Variants in ZC3H12B observed in about 807,000 individuals in gnomAD.
ZC3H12B encodes zinc finger CCCH-type containing 12B.
In ZC3H12B, 7 loss-of-function variants were observed where a neutral mutation model predicts 43.9. The observed-to-expected ratio is 0.16, with a 90% confidence interval of 0.09 to 0.30. The LOEUF is 0.30. ZC3H12B is among the 10% of genes least tolerant of loss of function. The probability of loss-of-function intolerance (pLI) is 1.00; values close to 1 mark genes in which losing one functional copy is unlikely to be tolerated. For synonymous variants in ZC3H12B, 222 were observed against 241.7 expected, an observed-to-expected ratio of 0.92 and a Z score of 0.76; for missense variants, 475 against 670.2, an observed-to-expected ratio of 0.71 and a Z score of 3.22.
At chrX:65,226,026 G>A in the ZC3H12B span, among the ~76,000 whole-genome samples, 4 of 111,139 alleles carry the variant, frequency 3.6e-5, no homozygotes, top group Admixed American at 9.6e-5. Flanking sequence ...TACAGAGAAC[G>A]CCACAAAGAT....
chrX:65,410,472 AC>A (rs2066891624), intron 3 of ZC3H12B, among the ~76,000 whole-genome samples: 1 of 111,989 alleles, frequency 8.9e-6, no homozygotes, highest in Non-Finnish European at 1.9e-5. Context: ...ATGAGATTAC[AC>A]CAAGCTAAAA....
At chrX:65,460,845 C>CA (rs1328054562) in intron 3 of ZC3H12B, among the ~76,000 whole-genome samples, 1 of 111,319 alleles carries the variant, frequency 9.0e-6, no homozygotes, top group Non-Finnish European at 1.9e-5. Context: ...CAACACAAGC[C>CA]AAAATTGATA....
the ZC3H12B span, chrX:65,186,402 G>T: frequency 4.7e-5 from 5 of 105,916 alleles, no homozygotes; most frequent in South Asian, 4.3e-4. Context: ...AGAGGCAGAA[G>T]AATCCCTTGA....
chrX:65,228,098 C>G, the ZC3H12B span, among the ~76,000 whole-genome samples: 1 of 111,628 alleles, frequency 9.0e-6, no homozygotes, highest in African/African-American at 3.3e-5. Flanking sequence ...AATTTTTGAC[C>G]AATATCCTTG....
intron 3 of ZC3H12B, among the ~76,000 whole-genome samples, chrX:65,407,702 G>T (rs1283980408): frequency 8.8e-5 from 10 of 113,743 alleles, no homozygotes; most frequent in Non-Finnish European, 1.7e-4. Context: ...CGCGCACGCG[G>T]ATCCCCGAGG....
chrX:65,248,130 G>A, the ZC3H12B span, among the ~76,000 whole-genome samples: 2 of 110,263 alleles, frequency 1.8e-5, no homozygotes, highest in South Asian at 3.9e-4. Flanking sequence ...GCAACCTCTC[G>A]ATTTCGAGCG....
At chrX:65,118,992 G>A in the ZC3H12B span, among the ~76,000 whole-genome samples, 1 of 110,195 alleles carries the variant, frequency 9.1e-6, no homozygotes, top group African/African-American at 3.3e-5. Flanking sequence ...TCCTTTTTTA[G>A]GGCTGCATAG....
At chrX:65,475,853 C>T (rs143636743) in intron 3 of ZC3H12B, among the ~76,000 whole-genome samples, 64 of 111,841 alleles carry the variant, frequency 5.7e-4, no homozygotes, top group Non-Finnish European at 1.0e-3. Context: ...CACCCACCCC[C>T]GTGATTGAAT....
chrX:65,309,378 A>G, the ZC3H12B span, among the ~76,000 whole-genome samples: 1 of 112,198 alleles, frequency 8.9e-6, no homozygotes, highest in South Asian at 3.7e-4. Context: ...ATCTACGCAA[A>G]TAAACTAGAA....
intron 2 of ZC3H12B, among the ~76,000 whole-genome samples, chrX:65,375,466 C>T (rs966140395): frequency 4.5e-5 from 5 of 112,270 alleles, no homozygotes; most frequent in African/African-American, 6.5e-5. Context: ...GCCATAGTGG[C>T]TAAGGGAGCA....
At chrX:65,228,013 A>T in the ZC3H12B span, among the ~76,000 whole-genome samples, 2 of 111,802 alleles carry the variant, frequency 1.8e-5, no homozygotes, top group Non-Finnish European at 3.8e-5. Context: ...AAAAGAGGGA[A>T]TCCTCCCTAA....
At chrX:65,123,669 G>T in the ZC3H12B span, among the ~76,000 whole-genome samples, 1 of 106,363 alleles carries the variant, frequency 9.4e-6, no homozygotes, top group South Asian at 4.0e-4. Flanking sequence ...GTGTAATATA[G>T]TTTTCTTGTA....
the ZC3H12B span, among the ~76,000 whole-genome samples, chrX:65,251,701 A>G: frequency 2.7e-5 from 3 of 111,540 alleles, no homozygotes; most frequent in Non-Finnish European, 3.8e-5. Context: ...CTTTGAAGCA[A>G]TTGTGAATGG....
chrX:65,124,353 T>C, the ZC3H12B span, among the ~76,000 whole-genome samples: 3 of 111,508 alleles, frequency 2.7e-5, no homozygotes, highest in Non-Finnish European at 5.7e-5. Flanking sequence ...TTGATTATGG[T>C]AGATTATCTT....
the ZC3H12B span, among the ~76,000 whole-genome samples, chrX:65,035,339 C>T: frequency 1.8e-5 from 2 of 112,150 alleles, no homozygotes; most frequent in African/African-American, 6.5e-5. Context: ...AGGAGGCGAG[C>T]GAATCGCTGC....
At chrX:65,304,005 A>G in the ZC3H12B span, among the ~76,000 whole-genome samples, 79 of 112,643 alleles carry the variant, frequency 7.0e-4, no homozygotes, top group Non-Finnish European at 1.1e-3. Context: ...CAAACTTTCA[A>G]ACAGGTTTTT....
chrX:65,234,653 A>G, the ZC3H12B span, among the ~76,000 whole-genome samples: 2 of 112,664 alleles, frequency 1.8e-5, no homozygotes, highest in Non-Finnish European at 3.7e-5. Flanking sequence ...GAAGTCTATT[A>G]GAACTGACAA....
At chrX:65,053,866 G>A in the ZC3H12B span, among the ~76,000 whole-genome samples, 1 of 111,967 alleles carries the variant, frequency 8.9e-6, no homozygotes, top group African/African-American at 3.2e-5. Context: ...CAGTGATGAT[G>A]AGCATTTTTT....
chrX:65,290,815 G>A, the ZC3H12B span, among the ~76,000 whole-genome samples: 7 of 110,757 alleles, frequency 6.3e-5, no homozygotes, highest in East Asian at 1.7e-3. Flanking sequence ...AACACAAGGA[G>A]GTAGAGTGTG....
Sources: allele counts gnomAD v4.1 joint callset (sites outside exome capture counted in the v4.1 genomes callset), GRCh38; gene constraint gnomAD v4.1.1; transcripts MANE v1.5; gene names NCBI Gene and HGNC (gene_info 2026-07-23, HGNC 2026-07-21).